The following PTPRD variants were observed in gnomAD, a reference collection of about 807,000 sequenced individuals.
PTPRD encodes the protein receptor-type tyrosine-protein phosphatase delta.
PTPRD carries 34 observed loss-of-function variants against 214.5 expected under a neutral mutation model. The ratio of observed to expected loss-of-function variants is 0.16; its 90% CI spans 0.12 to 0.21. The LOEUF (loss-of-function observed/expected upper bound fraction) is 0.21. Ranked by LOEUF, PTPRD falls within the 10% of genes least tolerant of loss-of-function variation. The pLI is 1.00. For synonymous variants in PTPRD, 1,128 were observed against 845.7 expected (o/e 1.33, Z -5.79); for missense variants, 2,545 against 2,398.7 (o/e 1.06, Z -1.27).
intron 10 of PTPRD, among the ~76,000 whole-genome samples, chr9:9,084,904 T>A (rs2099764780): frequency 1.3e-5 from 2 of 152,192 alleles, no homozygotes; most frequent in African/African-American, 4.8e-5. Context: ...CACTTTCTCA[T>A]ATGTATTTTT....
intron 5 of PTPRD, among the ~76,000 whole-genome samples, chr9:9,881,428 A>C (rs2153739009): frequency 6.6e-6 from 1 of 152,292 alleles, no homozygotes. Flanking sequence ...AGAGCTTCGT[A>C]GTCTGACTTG....
At chr9:8,358,988 G>C (rs975359536) in intron 39 of PTPRD, among the ~76,000 whole-genome samples, 8 of 149,256 alleles carry the variant, frequency 5.4e-5, no homozygotes, top group African/African-American at 1.7e-4. Flanking sequence ...GGCGCCTGTA[G>C]TCCCAGCTAC....
chr9:8,486,721 A>G (rs1230276385), intron 27 of PTPRD, among the ~76,000 whole-genome samples: 1 of 152,220 alleles, frequency 6.6e-6, no homozygotes, highest in Non-Finnish European at 1.5e-5. Context: ...AACTATAATG[A>G]TTATTTATTC....
intron 11 of PTPRD, among the ~76,000 whole-genome samples, chr9:8,804,598 CA>C (rs954399184): frequency 6.6e-6 from 1 of 151,756 alleles, no homozygotes; most frequent in African/African-American, 2.4e-5. Flanking sequence ...ACTCTGTCTC[CA>C]AAAAACAAAC....
At chr9:9,181,276 G>C (rs1387624927) in intron 10 of PTPRD, among the ~76,000 whole-genome samples, 2 of 151,752 alleles carry the variant, frequency 1.3e-5, no homozygotes, top group Non-Finnish European at 2.9e-5. Context: ...ATGGTATCTT[G>C]TTTTCGTTTT....
At chr9:8,445,826 CATCTT>C (rs1223693487) in intron 34 of PTPRD, among the ~76,000 whole-genome samples, 1 of 152,114 alleles carries the variant, frequency 6.6e-6, no homozygotes, top group Non-Finnish European at 1.5e-5. Flanking sequence ...TTTTTTCACT[CATCTT>C]AATGCTAAAA....
At chr9:9,572,577 A>ATG (rs2086827884) in intron 8 of PTPRD, among the ~76,000 whole-genome samples, 1 of 135,826 alleles carries the variant, frequency 7.4e-6, no homozygotes, top group East Asian at 2.1e-4. Context: ...ATATATATAT[A>ATG]TATGTGTATA....
intron 33 of PTPRD, among the ~76,000 whole-genome samples, chr9:8,459,072 G>A (rs2096299820): frequency 6.6e-6 from 1 of 152,024 alleles, no homozygotes; most frequent in African/African-American, 2.4e-5. Context: ...AGTTTTGAAG[G>A]AGTTTCTTTT....
At chr9:9,053,853 C>A (rs2099691250) in intron 10 of PTPRD, among the ~76,000 whole-genome samples, 1 of 152,072 alleles carries the variant, frequency 6.6e-6, no homozygotes, top group South Asian at 2.1e-4. Flanking sequence ...ATGGTACAAT[C>A]TTTTGTTATG....
At chr9:9,002,422 G>A (rs1047932260) in intron 11 of PTPRD, among the ~76,000 whole-genome samples, 1 of 151,824 alleles carries the variant, frequency 6.6e-6, no homozygotes, top group African/African-American at 2.4e-5. Flanking sequence ...TCAACAGACG[G>A]ATACACCACT....
intron 8 of PTPRD, among the ~76,000 whole-genome samples, chr9:9,539,246 G>A (rs2077105847): frequency 6.6e-6 from 1 of 151,824 alleles, no homozygotes; most frequent in African/African-American, 2.4e-5. Flanking sequence ...AGAATCAGTG[G>A]CAGGTACCTA....
At chr9:8,992,765 G>C (rs1310481668) in intron 11 of PTPRD, among the ~76,000 whole-genome samples, 1 of 152,100 alleles carries the variant, frequency 6.6e-6, no homozygotes, top group Non-Finnish European at 1.5e-5. Flanking sequence ...GATTTTGTTA[G>C]CTGGTTCTGA....
chr9:8,985,423 A>G lies in PTPRD; in HGVS notation c.-104+33274T>C, dbSNP rs997443045. ...AACCACGACCAACATAGATCCATTA[A>G]TACAGGTTGTAATAGCTAAAAGCAA... On this transcript the variant is annotated intron_variant, in intron 11 of 45. Coordinates refer to ENST00000381196, the MANE Select transcript of PTPRD (RefSeq NM_002839.4). 3.9e-5 allele frequency among the ~76,000 whole-genome samples: 6 copies of G among 152,102 alleles called. No homozygotes were observed. The South Asian group carries it at 6.2e-4, about 16-fold the overall frequency.
intron 3 of PTPRD, among the ~76,000 whole-genome samples, chr9:10,145,772 G>C (rs1374555765): frequency 6.6e-6 from 1 of 151,834 alleles, no homozygotes; most frequent in Non-Finnish European, 1.5e-5. Flanking sequence ...ATGTATAACA[G>C]AAAAAATTCA....
chr9:10,474,305 A>G (rs1300860086), intron 2 of PTPRD, among the ~76,000 whole-genome samples: 1 of 70,872 alleles, frequency 1.4e-5, no homozygotes, highest in East Asian at 6.3e-4. Flanking sequence ...AAGCAAATGG[A>G]AAGCAGAAAA....
intron 7 of PTPRD, among the ~76,000 whole-genome samples, chr9:9,714,811 A>G (rs2097790869): frequency 6.6e-6 from 1 of 152,144 alleles, no homozygotes; most frequent in South Asian, 2.1e-4. Flanking sequence ...GAGTTTGAGA[A>G]ATATCATTTA....
chr9:9,411,589 T>A (rs961899146), intron 8 of PTPRD, among the ~76,000 whole-genome samples: 2 of 152,200 alleles, frequency 1.3e-5, no homozygotes, highest in African/African-American at 4.8e-5. Flanking sequence ...TTTGCTAACG[T>A]TTCCGAAATG....
intron 12 of PTPRD, among the ~76,000 whole-genome samples, chr9:8,637,558 C>T (rs534042186): frequency 5.3e-5 from 8 of 152,210 alleles, no homozygotes; most frequent in Non-Finnish European, 1.2e-4. Context: ...GAAGCTTGTT[C>T]AACATCCTCC....
At chr9:9,498,796 G>A (rs545626027) in intron 8 of PTPRD, among the ~76,000 whole-genome samples, 1 of 152,192 alleles carries the variant, frequency 6.6e-6, no homozygotes, top group East Asian at 1.9e-4. Context: ...GACAGGAAAT[G>A]ATCTGTGATA....
Sources: allele counts gnomAD v4.1 joint callset (sites outside exome capture counted in the v4.1 genomes callset), GRCh38; gene constraint gnomAD v4.1.1; transcripts MANE v1.5; gene names NCBI Gene and HGNC (gene_info 2026-07-23, HGNC 2026-07-21).